CTNNA2: variants seen among roughly 807,000 people sequenced by gnomAD.
CTNNA2 encodes catenin alpha 2, also known as catenin alpha-2.
In CTNNA2, 42 loss-of-function variants were observed where a neutral mutation model predicts 101.0. The observed-to-expected ratio is 0.42, with a 90% CI of 0.32 to 0.54. CTNNA2 has a LOEUF of 0.54. Ranked by LOEUF, CTNNA2 falls within the 20% of genes least tolerant of loss-of-function variation. The probability of loss-of-function intolerance (pLI) is 0.14; values close to 1 mark genes in which losing one functional copy is unlikely to be tolerated. For synonymous variants in CTNNA2, 450 were observed against 456.4 expected, an observed-to-expected ratio of 0.99 and a Z score of 0.18; for missense variants, 871 against 1,223.1, an observed-to-expected ratio of 0.71 and a Z score of 4.29.
chr2:79,952,466 A>C (rs567662488), intron 7 of CTNNA2, among the ~76,000 whole-genome samples: 2 of 152,222 alleles, frequency 1.3e-5, no homozygotes, highest in Non-Finnish European at 2.9e-5. Context: ...TGACTATTTA[A>C]AAACCACTGA....
At chr2:80,401,441 C>T (rs1371753211) in intron 8 of CTNNA2, among the ~76,000 whole-genome samples, 1 of 152,144 alleles carries the variant, frequency 6.6e-6, no homozygotes, top group Non-Finnish European at 1.5e-5. Context: ...CCAGTAGTTT[C>T]CTGTTACTCA....
At chr2:79,678,568 C>T (rs560384237) in intron 2 of CTNNA2, among the ~76,000 whole-genome samples, 1 of 151,652 alleles carries the variant, frequency 6.6e-6, no homozygotes, top group South Asian at 2.1e-4. Flanking sequence ...GAAAAAGTCT[C>T]TATCCCCATA....
intron 9 of CTNNA2, among the ~76,000 whole-genome samples, chr2:80,421,802 C>CAAAAAA (rs754594979): frequency 1.5e-5 from 1 of 67,028 alleles, no homozygotes; most frequent in Non-Finnish European, 3.3e-5. Flanking sequence ...TGCATATATA[C>CAAAAAA]AAAAAAAAAA....
At chr2:79,345,254 G>A (rs949545169) in intron 3 of CTNNA2, among the ~76,000 whole-genome samples, 53 of 151,982 alleles carry the variant, frequency 3.5e-4, no homozygotes, top group African/African-American at 1.2e-3. Context: ...ACACTGACCA[G>A]TTGTTCAATT....
intron 3 of CTNNA2, among the ~76,000 whole-genome samples, chr2:79,342,031 C>T (rs551118634): frequency 2.0e-5 from 3 of 152,288 alleles, no homozygotes; most frequent in South Asian, 2.1e-4. Flanking sequence ...ATTATTTGCT[C>T]TCACTAAGCT....
intron 4 of CTNNA2, among the ~76,000 whole-genome samples, chr2:79,442,974 G>A (rs1678792311): frequency 6.6e-6 from 1 of 152,052 alleles, no homozygotes; most frequent in East Asian, 1.9e-4. Context: ...TTCCTCATAA[G>A]AATTAATATG....
chr2:80,524,738 A>G (rs1188678217), intron 9 of CTNNA2, among the ~76,000 whole-genome samples: 1 of 152,036 alleles, frequency 6.6e-6, no homozygotes, highest in Non-Finnish European at 1.5e-5. Context: ...GGACCTGTGT[A>G]TCTTTGAAGC....
chr2:80,565,566 CTTTCCAAAAGAGACTAGGTGA>C (rs1693985353), intron 12 of CTNNA2, among the ~76,000 whole-genome samples: 1 of 145,240 alleles, frequency 6.9e-6, no homozygotes, highest in South Asian at 2.3e-4. Flanking sequence ...CCTCCAAGTT[CTTTCCAAAAGAGACTAGGTGA>C]TTTTGCCTGG....
At chr2:80,237,633 C>A (rs1318883986) in intron 7 of CTNNA2, among the ~76,000 whole-genome samples, 3 of 152,076 alleles carry the variant, frequency 2.0e-5, no homozygotes, top group Non-Finnish European at 2.9e-5. Context: ...AGAGGAAGCA[C>A]CTGTGGAACA....
chr2:79,338,643 C>CTTCTTCTTCTTCTTCTTCT (rs1558634030), intron 3 of CTNNA2, among the ~76,000 whole-genome samples: 1 of 145,436 alleles, frequency 6.9e-6, no homozygotes. Flanking sequence ...TCTTCTTCTT[C>CTTCTTCTTCTTCTTCTTCT]AAAGATTCCT....
At chr2:79,586,361 T>C (rs2103945408) in intron 1 of CTNNA2, among the ~76,000 whole-genome samples, 1 of 151,396 alleles carries the variant, frequency 6.6e-6, no homozygotes, top group South Asian at 2.1e-4. Flanking sequence ...TGTGTGATAA[T>C]CTGGCATCTG....
At position 80,555,841 on chromosome 2, in the gene CTNNA2, T is replaced by C; in HGVS notation, c.1689T>C (p.Ala563=). ...ATGCTGAGATGGAGAACTATGAAGC[T>C]GGGGTTTATACTGAGAAGGTGTTGG... is the stretch of plus-strand genomic sequence containing the variant. ...IINAEMENYE[A]GVYTEKVLEA... Residue 563 remains alanine, a synonymous_variant, in exon 12 of 19, where the codon GCT becomes GCC. Transcript: ENST00000402739. 6.3e-7 allele frequency: 1 copy of C among 1,594,872 alleles called. No homozygotes were observed. Among genetic ancestry groups the C allele is most frequent in the Admixed American group, 1.8e-5 (1 of 57,140 alleles).
intron 2 of CTNNA2, among the ~76,000 whole-genome samples, chr2:79,700,977 G>T (rs2104755516): frequency 6.6e-6 from 1 of 152,206 alleles, no homozygotes; most frequent in Admixed American, 6.5e-5. Context: ...TTCCTAATTG[G>T]ATTGGTTCTG....
intron 2 of CTNNA2, among the ~76,000 whole-genome samples, chr2:79,225,154 C>A (rs1674392652): frequency 6.6e-6 from 1 of 151,984 alleles, no homozygotes; most frequent in East Asian, 1.9e-4. Context: ...AGTGGAACTG[C>A]TAGGTCACAA....
intron 7 of CTNNA2, chr2:80,029,348 G>C (rs2104176984): frequency 6.6e-6 from 1 of 152,282 alleles, no homozygotes; most frequent in Middle Eastern, 3.4e-3. Flanking sequence ...GCACCTTGCA[G>C]GTGAAAGGGA....
At chr2:79,586,414 C>T (rs1676489113) in intron 1 of CTNNA2, among the ~76,000 whole-genome samples, 1 of 152,154 alleles carries the variant, frequency 6.6e-6, no homozygotes, top group African/African-American at 2.4e-5. Context: ...TGGCAAGTTC[C>T]CTATTCTTTA....
At chr2:80,167,654 T>A (rs2148956512) in intron 7 of CTNNA2, among the ~76,000 whole-genome samples, 1 of 152,360 alleles carries the variant, frequency 6.6e-6, no homozygotes, top group East Asian at 1.9e-4. Context: ...GCAAAACATC[T>A]GCCTAGACCT....
At chr2:79,667,044 G>A (rs1682467697) in intron 2 of CTNNA2, among the ~76,000 whole-genome samples, 1 of 152,234 alleles carries the variant, frequency 6.6e-6, no homozygotes, top group Non-Finnish European at 1.5e-5. Context: ...AGATCAACAA[G>A]GTCACTCTTC....
intron 2 of CTNNA2, among the ~76,000 whole-genome samples, chr2:79,205,149 C>T (rs1020559264): frequency 6.6e-6 from 1 of 152,146 alleles, no homozygotes; most frequent in Non-Finnish European, 1.5e-5. Context: ...GTGGCTCTTT[C>T]TCAGGACACA....
Sources: allele counts gnomAD v4.1 joint callset (sites outside exome capture counted in the v4.1 genomes callset), GRCh38; gene constraint gnomAD v4.1.1; transcripts MANE v1.5; gene names NCBI Gene and HGNC (gene_info 2026-07-23, HGNC 2026-07-21).